PCDHAC1: variants seen among roughly 807,000 people sequenced by gnomAD.
The protein encoded by PCDHAC1 is protocadherin alpha subfamily C, 1.
Under a neutral mutation model 60.0 loss-of-function variants are expected in PCDHAC1, and 42 were observed. That is an observed-to-expected ratio of 0.70 (90% CI 0.55 to 0.90). The LOEUF (loss-of-function observed/expected upper bound fraction) is 0.90, where lower values mean the gene tolerates loss of function less well. PCDHAC1 is among the 40% of genes least tolerant of loss of function. The probability of loss-of-function intolerance (pLI) is 0.00; values close to 1 mark genes in which losing one functional copy is unlikely to be tolerated. For synonymous variants in PCDHAC1, 468 were observed against 499.3 expected, an observed-to-expected ratio of 0.94 and a Z score of 0.84; for missense variants, 1,160 against 1,222.3, an observed-to-expected ratio of 0.95 and a Z score of 0.76.
At chr5:140,966,732 G>A in intron 1 of PCDHAC1, 1 of 1,415,600 alleles carries the variant, frequency 7.1e-7, no homozygotes, top group South Asian at 1.6e-5. Flanking sequence ...GCCGCCTCCG[G>A]CCCTGCCCGG....
chr5:140,940,610 G>A (rs1394761541), intron 1 of PCDHAC1, among the ~76,000 whole-genome samples: 1 of 151,836 alleles, frequency 6.6e-6, no homozygotes, highest in Non-Finnish European at 1.5e-5. Context: ...GCTGCTCCTG[G>A]CTCCTGCAAA....
At position 140,969,258 on chromosome 5, in the gene PCDHAC1, A is replaced by T. The variant is rs782513796; in HGVS notation, c.2434-9691A>T. ...CAAGCAGCAGTGACTGACAGCAGGA[A>T]TCTCACAGGCCAAAGTGGTCAGAAT... On this transcript the variant is annotated intron_variant, in intron 1 of 3. Transcript: ENST00000253807. The T allele has an allele frequency of 3.7e-6, 6 of 1,614,106 alleles. No homozygotes were observed. The East Asian group carries it at 1.3e-4, about 36-fold the overall frequency.
rs541200655 is a variant in PCDHAC1 at position 140,927,270 on chromosome 5, C to A, written c.378C>A (p.Ala126=). ...DTNDNSPLFP[A]GDVQLHIPEF... ...ATGACAACTCACCTCTCTTTCCTGC[C>A]GGCGACGTGCAGCTGCACATCCCCG... Residue 126 remains alanine (A), a synonymous_variant, in exon 1 of 4, where the codon GCC becomes GCA. Transcript: ENST00000253807. 1.2e-6 allele frequency: 2 copies of A among 1,614,034 alleles called. No individual in the cohort carries two copies. Among genetic ancestry groups the A allele is most frequent in the Non-Finnish European group, 1.7e-6 (2 of 1,180,046 alleles).
chr5:141,006,405 C>T (rs782532612), intron 3 of PCDHAC1, among the ~76,000 whole-genome samples: 28 of 151,916 alleles, frequency 1.8e-4, no homozygotes, highest in Middle Eastern at 6.8e-3. Context: ...AGTAGAGACG[C>T]GGTTTCACTG....
chr5:140,961,622 A>G (rs2095624628), intron 1 of PCDHAC1, among the ~76,000 whole-genome samples: 1 of 152,218 alleles, frequency 6.6e-6, no homozygotes, highest in Non-Finnish European at 1.5e-5. Flanking sequence ...AAGTGCCCAT[A>G]TGAAAAACAA....
chr5:140,943,257 C>CAAAAAAAA (rs1238620023), intron 1 of PCDHAC1, among the ~76,000 whole-genome samples: 2 of 77,482 alleles, frequency 2.6e-5, no homozygotes, highest in Admixed American at 1.5e-4. Flanking sequence ...GACTCTGTCT[C>CAAAAAAAA]AAAAAAAAAA....
intron 1 of PCDHAC1, among the ~76,000 whole-genome samples, chr5:140,969,673 G>A (rs1226601717): frequency 3.3e-5 from 5 of 152,170 alleles, no homozygotes; most frequent in African/African-American, 9.7e-5. Flanking sequence ...AATGTTATGA[G>A]ACTCAAGGAG....
At chr5:140,938,897 G>T (rs72800999) in intron 1 of PCDHAC1, among the ~76,000 whole-genome samples, 1 of 151,198 alleles carries the variant, frequency 6.6e-6, no homozygotes, top group East Asian at 1.9e-4. Context: ...ACACAGATGC[G>T]CACACACACA....
intron 1 of PCDHAC1, chr5:140,969,172 G>T (rs782196654): frequency 1.2e-5 from 19 of 1,614,086 alleles, no homozygotes; most frequent in Non-Finnish European, 1.5e-5. Context: ...CAGGCTCAGG[G>T]AGTGACACTT....
At chr5:140,974,931 A>G (rs555720345) in intron 1 of PCDHAC1, among the ~76,000 whole-genome samples, 1 of 152,324 alleles carries the variant, frequency 6.6e-6, no homozygotes, top group African/African-American at 2.4e-5. Context: ...TGTTTAAAAC[A>G]CCACCTATTT....
At position 140,936,025 on chromosome 5, in the gene PCDHAC1, G is replaced by A. The variant is rs542573400; in HGVS notation, c.2433+6700G>A. On this transcript the variant is annotated intron_variant, in intron 1 of 3. Coordinates refer to ENST00000253807, the MANE Select transcript of PCDHAC1 (RefSeq NM_018898.5). ...CTCCCACCTCAGCCTCCCGAGTAGC[G>A]GGGATTACAGGCACCCACCACCACA... 1.5e-3 allele frequency among the ~76,000 whole-genome samples: 222 copies of A among 151,390 alleles called. 1 individual carries two copies. The highest frequency in any genetic ancestry group is 6.8e-3 in the Middle Eastern group (2 of 294).
Position 141,010,188 on chromosome 5 carries a change from T to A in PCDHAC1, c.*251T>A. ...CAGAACCTAAAAAGCAGACCCAAGT[T>A]TCCTTTCTCCTCCGCCGCAAAGGAG... is the stretch of plus-strand genomic sequence containing the variant. On this transcript the variant is annotated 3_prime_UTR_variant, in exon 4 of 4. Coordinates refer to ENST00000253807, the MANE Select transcript of PCDHAC1 (RefSeq NM_018898.5). 6.4e-7 allele frequency: 1 copy of A among 1,553,070 alleles called. No individual in the cohort carries two copies. The highest frequency in any genetic ancestry group is 1.2e-5 in the South Asian group (1 of 84,340).
chr5:140,981,582 A>C (rs2096939117), intron 2 of PCDHAC1, among the ~76,000 whole-genome samples: 1 of 152,182 alleles, frequency 6.6e-6, no homozygotes, highest in African/African-American at 2.4e-5. Flanking sequence ...TCAAAAATAA[A>C]TAAAATAAAA....
chr5:140,927,555 C>G lies in PCDHAC1; in HGVS notation c.663C>G (p.Ile221Met). 1 of 1,614,176 alleles carries G rather than the reference C, an allele frequency of 6.2e-7. No individual in the cohort carries two copies. The change falls in exon 1 of 4, where the codon ATC becomes ATG. Residue 221 changes from isoleucine to methionine, a missense_variant. By Grantham distance (10) the Ile-to-Met change is conservative. Around this residue, in one of 3 missense-constraint regions of PCDHAC1, gnomAD observed 1,113 missense variants for 1,163.7 expected, o/e 0.96. Transcript: ENST00000253807. The stretch of plus-strand genomic sequence containing the variant: ...GCTCAGGAGACGCACAAGTCACCAT[C>G]ATTGTGGTGGACACAAATGACAACG... ...PARSGDAQVTIIVVDTNDNAP... is the reference protein window; with the variant it reads ...PARSGDAQVTMIVVDTNDNAP...
At chr5:140,984,227 T>C (rs571404372) in intron 3 of PCDHAC1, among the ~76,000 whole-genome samples, 1 of 152,336 alleles carries the variant, frequency 6.6e-6, no homozygotes, top group Admixed American at 6.5e-5. Context: ...CTTGCTCTTA[T>C]GGAGGCATTG....
At chr5:140,961,864 AG>A (rs2095638942) in intron 1 of PCDHAC1, among the ~76,000 whole-genome samples, 3 of 151,832 alleles carry the variant, frequency 2.0e-5, no homozygotes, top group Non-Finnish European at 2.9e-5. Context: ...ATCTGGCCAC[AG>A]ATAATTGACT....
intron 3 of PCDHAC1, among the ~76,000 whole-genome samples, chr5:141,004,120 T>C (rs1340380913): frequency 6.6e-6 from 1 of 152,178 alleles, no homozygotes; most frequent in African/African-American, 2.4e-5. Flanking sequence ...AAAGGGAGTA[T>C]CTCCATGATT....
intron 3 of PCDHAC1, among the ~76,000 whole-genome samples, chr5:141,006,156 TA>T (rs1554260585): frequency 6.6e-6 from 1 of 151,588 alleles, no homozygotes; most frequent in East Asian, 1.9e-4. Flanking sequence ...AGGAGTGATA[TA>T]ATCTGATTTA....
intron 1 of PCDHAC1, chr5:140,967,958 C>A (rs202159883): frequency 6.2e-7 from 1 of 1,614,182 alleles, no homozygotes; most frequent in Non-Finnish European, 8.5e-7. Context: ...AGGCCCCAAC[C>A]GGAAAGTGAG....
Sources: gnomAD v4.1 joint callset for allele counts (sites outside exome capture counted in the v4.1 genomes callset) on GRCh38, gnomAD v4.1.1 for gene constraint, gnomAD v4.1.1 regional missense constraint, MANE v1.5 for transcripts, NCBI Gene and HGNC (gene_info 2026-07-23, HGNC 2026-07-21) for gene names.